ROBO1: variants seen among roughly 807,000 people sequenced by gnomAD.
ROBO1 encodes roundabout guidance receptor 1, also known as roundabout homolog 1.
In ROBO1, 149 loss-of-function variants were observed where a neutral mutation model predicts 195.9. That is an observed-to-expected ratio of 0.76 (90% CI 0.67 to 0.87). The LOEUF (loss-of-function observed/expected upper bound fraction) is 0.87. Among genes scored for constraint, ROBO1 ranks in the 40% least tolerant of loss-of-function variants. The pLI, the probability that ROBO1 is intolerant of heterozygous loss-of-function variation, is 0.00. For missense variants in ROBO1, 1,933 were observed against 2,068.3 expected (o/e 0.93, Z 1.27); for synonymous variants, 816 against 733.2 (o/e 1.11, Z -1.82).
At chr3:78,683,583 T>C (rs1457699040) in intron 10 of ROBO1, among the ~76,000 whole-genome samples, 1 of 151,970 alleles carries the variant, frequency 6.6e-6, no homozygotes, top group Non-Finnish European at 1.5e-5. Flanking sequence ...TCCTAGCATT[T>C]TGGGTGGCAT....
At chr3:78,669,513 A>G (rs1386837448) in intron 11 of ROBO1, among the ~76,000 whole-genome samples, 4 of 152,190 alleles carry the variant, frequency 2.6e-5, no homozygotes, top group African/African-American at 9.6e-5. Context: ...AAATCAAAAC[A>G]ATAAAGTCCT....
At chr3:79,225,393 A>C (rs2082209295) in intron 2 of ROBO1, among the ~76,000 whole-genome samples, 1 of 152,198 alleles carries the variant, frequency 6.6e-6, no homozygotes, top group Admixed American at 6.5e-5. Context: ...TTAAAAAAAT[A>C]TGCTAGCATA....
chr3:79,352,981 T>A (rs2035403885), intron 2 of ROBO1, among the ~76,000 whole-genome samples: 1 of 152,180 alleles, frequency 6.6e-6, no homozygotes, highest in Non-Finnish European at 1.5e-5. Context: ...ATTATTGTAC[T>A]GATTACAGAG....
intron 2 of ROBO1, among the ~76,000 whole-genome samples, chr3:79,172,639 T>C (rs916202272): frequency 6.6e-6 from 1 of 152,090 alleles, no homozygotes; most frequent in Non-Finnish European, 1.5e-5. Flanking sequence ...TATATGTGTG[T>C]ATACCATTAT....
intron 8 of ROBO1, among the ~76,000 whole-genome samples, chr3:78,697,403 T>C (rs943476637): frequency 1.3e-5 from 2 of 152,272 alleles, no homozygotes; most frequent in Admixed American, 6.5e-5. Context: ...AAAGACCTTT[T>C]TCATCTAAAG....
chr3:79,422,439 A>G (rs898225558), intron 2 of ROBO1, among the ~76,000 whole-genome samples: 7 of 152,080 alleles, frequency 4.6e-5, no homozygotes, highest in Non-Finnish European at 8.8e-5. Flanking sequence ...ACTACGTAAC[A>G]TTGCAAAGGG....
chr3:79,605,302 G>C (rs1944450474), intron 1 of ROBO1, among the ~76,000 whole-genome samples: 1 of 149,078 alleles, frequency 6.7e-6, no homozygotes, highest in Non-Finnish European at 1.5e-5. Flanking sequence ...GGTCTGTAAA[G>C]CGGCAGTCCT....
chr3:79,601,438 A>T (rs750494775), intron 1 of ROBO1, among the ~76,000 whole-genome samples: 23 of 151,992 alleles, frequency 1.5e-4, no homozygotes, highest in Non-Finnish European at 2.9e-4. Context: ...ATAAGCACGG[A>T]CTTGAAGTGG....
chr3:79,217,004 A>T (rs908743756), intron 2 of ROBO1, among the ~76,000 whole-genome samples: 1 of 152,080 alleles, frequency 6.6e-6, no homozygotes, highest in Non-Finnish European at 1.5e-5. Flanking sequence ...AATTTTAGCT[A>T]ATAAATTATT....
intron 2 of ROBO1, among the ~76,000 whole-genome samples, chr3:79,185,784 T>C (rs2081427566): frequency 6.6e-6 from 1 of 152,172 alleles, no homozygotes; most frequent in African/African-American, 2.4e-5. Context: ...AAATGTTTCA[T>C]CTTGTGACAT....
At chr3:78,967,561 G>A (rs1055398292) in intron 3 of ROBO1, among the ~76,000 whole-genome samples, 1 of 152,122 alleles carries the variant, frequency 6.6e-6, no homozygotes, top group South Asian at 2.1e-4. Flanking sequence ...CTTGGGAGTA[G>A]GAGACATACA....
intron 2 of ROBO1, among the ~76,000 whole-genome samples, chr3:79,561,294 G>A (rs927143802): frequency 2.8e-4 from 42 of 152,162 alleles, no homozygotes; most frequent in African/African-American, 8.2e-4. Flanking sequence ...AATACTTGGC[G>A]TGGCCTCCTA....
chr3:78,674,776 T>A (rs921330247), intron 10 of ROBO1, among the ~76,000 whole-genome samples: 5 of 152,214 alleles, frequency 3.3e-5, no homozygotes, highest in African/African-American at 1.2e-4. Context: ...AAATTATAAT[T>A]ATAAAAATTG....
chr3:79,706,365 T>A (rs960439482), intron 1 of ROBO1, among the ~76,000 whole-genome samples: 1 of 152,180 alleles, frequency 6.6e-6, no homozygotes, highest in African/African-American at 2.4e-5. Flanking sequence ...CTAATGGGTG[T>A]TGGATTTTGA....
intron 2 of ROBO1, among the ~76,000 whole-genome samples, chr3:79,553,586 T>A (rs1942597589): frequency 6.6e-6 from 1 of 152,074 alleles, no homozygotes; most frequent in Non-Finnish European, 1.5e-5. Context: ...CAGATAGGTA[T>A]CAGATAGGTA....
At chr3:79,319,118 C>T (rs1487509579) in intron 2 of ROBO1, among the ~76,000 whole-genome samples, 1 of 152,136 alleles carries the variant, frequency 6.6e-6, no homozygotes, top group Non-Finnish European at 1.5e-5. Context: ...TCCCTCACTC[C>T]TCTCCTATCC....
intron 2 of ROBO1, among the ~76,000 whole-genome samples, chr3:79,416,425 A>G (rs1015053158): frequency 6.7e-6 from 1 of 150,136 alleles, no homozygotes; most frequent in African/African-American, 2.5e-5. Context: ...GCAACATAGT[A>G]AAACCCCATC....
chr3:79,094,905 C>A (rs1217312176), intron 3 of ROBO1, among the ~76,000 whole-genome samples: 5 of 142,970 alleles, frequency 3.5e-5, no homozygotes, highest in Non-Finnish European at 7.7e-5. Flanking sequence ...CCTTCCTTCC[C>A]TCCCTTCCCC....
At chr3:79,212,851 A>G (rs1447653722) in intron 2 of ROBO1, among the ~76,000 whole-genome samples, 2 of 151,668 alleles carry the variant, frequency 1.3e-5, no homozygotes, top group African/African-American at 4.8e-5. Context: ...ATAAAATAAA[A>G]TAAAATAAAA....
Sources: gnomAD v4.1 joint callset for allele counts (sites outside exome capture counted in the v4.1 genomes callset) on GRCh38, gnomAD v4.1.1 for gene constraint, MANE v1.5 for transcripts, NCBI Gene and HGNC (gene_info 2026-07-23, HGNC 2026-07-21) for gene names.